The following DUSP16 variants were observed in gnomAD, a reference collection of about 807,000 sequenced individuals.
The protein encoded by DUSP16 is dual specificity protein phosphatase 16.
A neutral mutation model predicts 58.3 loss-of-function variants in DUSP16; 21 were observed. The ratio of observed to expected loss-of-function variants is 0.36; its 90% CI spans 0.26 to 0.52. The LOEUF (loss-of-function observed/expected upper bound fraction) is 0.52, where lower values mean the gene tolerates loss of function less well. DUSP16 is among the 20% of genes least tolerant of loss of function. The pLI, the probability that DUSP16 is intolerant of heterozygous loss-of-function variation, is 0.94. For missense variants in DUSP16, 726 were observed against 819.0 expected (o/e 0.89, Z 1.39); for synonymous variants, 320 against 323.8 (o/e 0.99, Z 0.12).
intron 1 of DUSP16, among the ~76,000 whole-genome samples, chr12:12,545,595 T>C: frequency 6.6e-6 from 1 of 152,202 alleles, no homozygotes. Context: ...ACATTTATTT[T>C]TAAAGCATTA....
chr12:12,547,531 T>TAAAAAAAA (rs761142479), intron 1 of DUSP16, among the ~76,000 whole-genome samples: 1 of 66,656 alleles, frequency 1.5e-5, no homozygotes, highest in Non-Finnish European at 3.0e-5. Flanking sequence ...TGAGTAGGCT[T>TAAAAAAAA]AAAAAAAAAA....
intron 1 of DUSP16, among the ~76,000 whole-genome samples, chr12:12,556,162 T>A (rs930173815): frequency 2.6e-5 from 4 of 152,256 alleles, no homozygotes; most frequent in Non-Finnish European, 4.4e-5. Context: ...ATTTTGTAGA[T>A]GAAAATTGGT....
intron 1 of DUSP16, among the ~76,000 whole-genome samples, chr12:12,529,116 T>G (rs940190875): frequency 6.6e-6 from 1 of 152,198 alleles, no homozygotes; most frequent in African/African-American, 2.4e-5. Flanking sequence ...AACTTTTGTT[T>G]TTGTTGTTTT....
At chr12:12,499,741 G>C (rs1349322567) in intron 4 of DUSP16, among the ~76,000 whole-genome samples, 1 of 152,180 alleles carries the variant, frequency 6.6e-6, no homozygotes, top group Non-Finnish European at 1.5e-5. Context: ...AATTTGTGGT[G>C]ATGTAAATTA....
intron 1 of DUSP16, among the ~76,000 whole-genome samples, chr12:12,548,325 C>A (rs1944676830): frequency 6.6e-6 from 1 of 152,136 alleles, no homozygotes; most frequent in South Asian, 2.1e-4. Flanking sequence ...ACGTCACACC[C>A]ATTAGGACAG....
chr12:12,524,304 G>A (rs1369041749), intron 1 of DUSP16, among the ~76,000 whole-genome samples: 1 of 152,202 alleles, frequency 6.6e-6, no homozygotes, highest in Non-Finnish European at 1.5e-5. Context: ...AAGTGAGGGT[G>A]AAGTTCCATT....
chr12:12,527,246 T>C lies in DUSP16; in HGVS notation c.-365-5783A>G, dbSNP rs147775656. Among the ~76,000 whole-genome samples, 621 of 152,130 alleles carry C rather than the reference T, an allele frequency of 4.1e-3. 3 individuals carry two copies. Among genetic ancestry groups the C allele is most frequent in the African/African-American group, 0.014 (582 of 41,502 alleles). On this transcript the variant is annotated intron_variant, in intron 1 of 6. Coordinates refer to ENST00000298573, the MANE Select transcript of DUSP16 (RefSeq NM_030640.3). ...CAAGATATACCGAAATGCCTTTCAA[T>C]AGAGCCCTAAACACAGGCTTTCAAT...
intron 1 of DUSP16, among the ~76,000 whole-genome samples, chr12:12,522,374 T>C (rs1410460566): frequency 6.6e-6 from 1 of 152,202 alleles, no homozygotes; most frequent in Non-Finnish European, 1.5e-5. Context: ...AGTGCTTCCC[T>C]TTCTTGCCAA....
At chr12:12,504,093 A>C (rs1167126885) in intron 3 of DUSP16, among the ~76,000 whole-genome samples, 1 of 152,222 alleles carries the variant, frequency 6.6e-6, no homozygotes, top group Non-Finnish European at 1.5e-5. Flanking sequence ...GTCATTATTT[A>C]AGTGAGTTTT....
chr12:12,476,988 C>G lies in DUSP16; in HGVS notation c.1843G>C (p.Glu615Gln). The G allele has an allele frequency of 6.2e-7, 1 of 1,614,250 alleles. No individual in the cohort carries two copies. The highest frequency in any genetic ancestry group is 8.5e-7 in the Non-Finnish European group (1 of 1,180,054). Residue 615 changes from glutamate to glutamine, a missense_variant, in exon 7 of 7, where the codon GAA becomes CAA. Transcript: ENST00000298573. ...DRADSRRSWH[E>Q]ESPFEKQFKR... ...AACTGCTTTTCAAAGGGGCTCTCTTCATGCCAGCTCCGCCGCGAGTCAGCT... is the reference window on the plus strand; with the variant it reads ...AACTGCTTTTCAAAGGGGCTCTCTTGATGCCAGCTCCGCCGCGAGTCAGCT...
At chr12:12,494,530 G>A (rs1351151054) in intron 4 of DUSP16, among the ~76,000 whole-genome samples, 1 of 152,170 alleles carries the variant, frequency 6.6e-6, no homozygotes, top group Non-Finnish European at 1.5e-5. Flanking sequence ...CAAAATGGCA[G>A]TGGAAAACAG....
In DUSP16 at chr12:12,504,510, C is replaced by G. The variant is rs550823433; in HGVS notation, c.368-3828G>C. ...CTCCTAGGCACAAGTGATCTACCCA[C>G]CTTGGCCTCCCACAGTGCTGGGTTT... On this transcript the variant is annotated intron_variant, in intron 3 of 6. Transcript: ENST00000298573. Among the ~76,000 whole-genome samples the G allele has an allele frequency of 2.0e-5, 3 of 152,192 alleles. No individual in the cohort carries two copies. In the South Asian group the frequency reaches 6.2e-4, roughly 32 times the overall value.
In DUSP16 at chr12:12,525,430, G is replaced by C. The variant is rs59381622; in HGVS notation, c.-365-3967C>G. On this transcript the variant is annotated intron_variant, in intron 1 of 6. Coordinates refer to ENST00000298573, the MANE Select transcript of DUSP16 (RefSeq NM_030640.3). The stretch of plus-strand genomic sequence containing the variant: ...ATTACAGGCATGCGCCACCACACCC[G>C]GCTAATTTTGTATTTCTAGTAGAGA... 6.7e-4 allele frequency among the ~76,000 whole-genome samples: 102 copies of C among 151,704 alleles called. 1 individual carries two copies. The highest frequency in any genetic ancestry group is 8.8e-5 in the Non-Finnish European group (6 of 67,956).
At chr12:12,490,388 A>G (rs1038645784) in intron 4 of DUSP16, among the ~76,000 whole-genome samples, 1 of 151,764 alleles carries the variant, frequency 6.6e-6, no homozygotes, top group Non-Finnish European at 1.5e-5. Flanking sequence ...AACAAGTACA[A>G]TTTGTAAAAA....
At chr12:12,552,740 C>T (rs532160207) in intron 1 of DUSP16, among the ~76,000 whole-genome samples, 1 of 152,118 alleles carries the variant, frequency 6.6e-6, no homozygotes, top group African/African-American at 2.4e-5. Flanking sequence ...TGTTGGAATA[C>T]CTTTTTCATA....
intron 3 of DUSP16, among the ~76,000 whole-genome samples, chr12:12,505,642 C>T (rs1292133869): frequency 1.3e-5 from 2 of 152,154 alleles, no homozygotes; most frequent in Non-Finnish European, 2.9e-5. Context: ...GTTCGAGGTC[C>T]AGTTCTATCG....
intron 1 of DUSP16, among the ~76,000 whole-genome samples, chr12:12,544,102 G>A (rs1187025411): frequency 1.3e-5 from 2 of 151,948 alleles, no homozygotes; most frequent in African/African-American, 4.8e-5. Flanking sequence ...TCCTGATCAA[G>A]AAATAGAAAC....
intron 1 of DUSP16, among the ~76,000 whole-genome samples, chr12:12,543,631 T>C (rs905022250): frequency 1.3e-5 from 2 of 152,130 alleles, no homozygotes; most frequent in African/African-American, 4.8e-5. Flanking sequence ...ATAAATTGGC[T>C]AAATATATTA....
chr12:12,500,453 G>T, intron 4 of DUSP16, 66 bp downstream of exon 4: 1 of 1,498,126 alleles, frequency 6.7e-7, no homozygotes, highest in Admixed American at 2.2e-5. Context: ...TGACATAATG[G>T]GTAACTGCTG....
Sources: allele counts gnomAD v4.1 joint callset (sites outside exome capture counted in the v4.1 genomes callset), GRCh38; gene constraint gnomAD v4.1.1; transcripts MANE v1.5; gene names NCBI Gene and HGNC (gene_info 2026-07-23, HGNC 2026-07-21).